Variants in SOX5 observed in about 807,000 individuals in gnomAD.
SOX5 encodes the protein transcription factor SOX-5.
In SOX5, 9 loss-of-function variants were observed where a neutral mutation model predicts 92.0. The ratio of observed to expected loss-of-function variants is 0.10; its 90% confidence interval spans 0.06 to 0.17. SOX5 has a LOEUF of 0.17. Ranked by LOEUF, SOX5 falls within the 10% of genes least tolerant of loss-of-function variation. The probability of loss-of-function intolerance (pLI) is 1.00; values close to 1 mark genes in which losing one functional copy is unlikely to be tolerated. For synonymous variants in SOX5, 344 were observed against 336.3 expected (o/e 1.02, Z -0.25); for missense variants, 642 against 944.5 (o/e 0.68, Z 4.20).
chr12:23,787,452 A>G (rs1489411166), intron 3 of SOX5, among the ~76,000 whole-genome samples: 3 of 151,994 alleles, frequency 2.0e-5, no homozygotes, highest in Admixed American at 6.6e-5. Context: ...ATTAAAGGGC[A>G]GTTAGAAACC....
chr12:24,426,664 T>G (rs569770089), intron 1 of SOX5, among the ~76,000 whole-genome samples: 2 of 152,332 alleles, frequency 1.3e-5, no homozygotes, highest in South Asian at 4.1e-4. Flanking sequence ...TTTACTTTGC[T>G]TTTCTTCCAG....
chr12:23,770,554 T>G (rs999183679), intron 3 of SOX5, among the ~76,000 whole-genome samples: 30 of 152,000 alleles, frequency 2.0e-4, no homozygotes, highest in Non-Finnish European at 2.2e-4. Flanking sequence ...TCAGATTTTT[T>G]TTTCAACATG....
At chr12:23,534,671 T>C in intron 14 of SOX5, 149 bp from the exon 15 acceptor site, 1 of 628,910 alleles carries the variant, frequency 1.6e-6, no homozygotes, top group South Asian at 2.2e-5. Context: ...TCCATCCTAC[T>C]TGAACTTTAA....
chr12:24,048,961 T>C (rs1957294740), intron 4 of SOX5, among the ~76,000 whole-genome samples: 1 of 152,176 alleles, frequency 6.6e-6, no homozygotes, highest in Admixed American at 6.5e-5. Flanking sequence ...CACCACTCCA[T>C]GAATAATACT....
intron 2 of SOX5, among the ~76,000 whole-genome samples, chr12:23,867,679 G>T (rs1188776225): frequency 1.3e-5 from 2 of 152,114 alleles, no homozygotes; most frequent in South Asian, 2.1e-4. Context: ...ACACTGAAAT[G>T]AATTAAGTGG....
intron 6 of SOX5, among the ~76,000 whole-genome samples, chr12:23,710,810 C>T (rs1010162610): frequency 2.6e-5 from 4 of 152,114 alleles, no homozygotes; most frequent in South Asian, 2.1e-4. Flanking sequence ...CTTGAGGAAT[C>T]GCCACACTGT....
At chr12:23,695,096 G>A (rs1340415844) in intron 6 of SOX5, among the ~76,000 whole-genome samples, 1 of 145,174 alleles carries the variant, frequency 6.9e-6, no homozygotes, top group Non-Finnish European at 1.5e-5. Flanking sequence ...CTCCAGCTTG[G>A]GTGACAAGGG....
intron 3 of SOX5, among the ~76,000 whole-genome samples, chr12:24,265,488 G>T (rs1040178100): frequency 2.6e-5 from 4 of 152,212 alleles, no homozygotes; most frequent in Admixed American, 6.5e-5. Flanking sequence ...AGATTGTAGT[G>T]AGCTGAGGTC....
intron 2 of SOX5, among the ~76,000 whole-genome samples, chr12:24,297,072 T>C (rs1234808832): frequency 2.0e-5 from 3 of 152,158 alleles, no homozygotes; most frequent in Non-Finnish European, 2.9e-5. Context: ...ATGACGGTAG[T>C]TATGCTAAGT....
At chr12:24,303,356 T>C (rs745789514) in intron 2 of SOX5, among the ~76,000 whole-genome samples, 19 of 151,784 alleles carry the variant, frequency 1.3e-4, no homozygotes, top group Non-Finnish European at 2.2e-4. Context: ...ACGTTAGACA[T>C]CATGTTCATA....
At chr12:23,878,455 T>C (rs1230728739) in intron 2 of SOX5, among the ~76,000 whole-genome samples, 3 of 152,102 alleles carry the variant, frequency 2.0e-5, no homozygotes, top group Admixed American at 2.0e-4. Context: ...TTTATCTCTA[T>C]ATAACAACAA....
chr12:23,589,145 T>C (rs977451555), intron 9 of SOX5, among the ~76,000 whole-genome samples: 1 of 152,000 alleles, frequency 6.6e-6, no homozygotes, highest in Non-Finnish European at 1.5e-5. Context: ...TAAACGACTA[T>C]GTCTTTGTAT....
At chr12:23,579,425 A>T (rs1045062454) in intron 9 of SOX5, among the ~76,000 whole-genome samples, 3 of 152,170 alleles carry the variant, frequency 2.0e-5, no homozygotes, top group Non-Finnish European at 1.5e-5. Context: ...CTGTATAAAT[A>T]ATTTTGACCC....
At chr12:23,786,061 G>A (rs1344369707) in intron 3 of SOX5, among the ~76,000 whole-genome samples, 3 of 151,830 alleles carry the variant, frequency 2.0e-5, no homozygotes, top group Non-Finnish European at 4.4e-5. Context: ...TTCTTTTCTA[G>A]TTATCAATTC....
intron 3 of SOX5, among the ~76,000 whole-genome samples, chr12:23,808,700 G>T (rs2095824342): frequency 6.6e-6 from 1 of 152,012 alleles, no homozygotes; most frequent in Non-Finnish European, 1.5e-5. Flanking sequence ...TAGGATACTT[G>T]CTGTTTAACA....
intron 1 of SOX5, among the ~76,000 whole-genome samples, chr12:23,943,806 A>C (rs1015790930): frequency 9.2e-5 from 14 of 152,028 alleles, no homozygotes; most frequent in Non-Finnish European, 2.1e-4. Flanking sequence ...TTTGTTTTAA[A>C]TTTTCCTTCT....
intron 4 of SOX5, among the ~76,000 whole-genome samples, chr12:24,010,017 T>C (rs778325793): frequency 3.9e-5 from 6 of 152,222 alleles, no homozygotes; most frequent in Non-Finnish European, 8.8e-5. Flanking sequence ...TATTTTCTTA[T>C]CTTCATTCAA....
At chr12:23,984,199 G>A (rs1045066833) in intron 4 of SOX5, among the ~76,000 whole-genome samples, 2 of 152,088 alleles carry the variant, frequency 1.3e-5, no homozygotes, top group Non-Finnish European at 2.9e-5. Context: ...AATGTACAAT[G>A]CACAATCCTT....
chr12:24,090,764 T>C (rs975381545), intron 4 of SOX5, among the ~76,000 whole-genome samples: 1 of 152,180 alleles, frequency 6.6e-6, no homozygotes, highest in African/African-American at 2.4e-5. Context: ...AATGTAGGCA[T>C]CCTGAAAGCA....
Sources: allele counts gnomAD v4.1 joint callset (sites outside exome capture counted in the v4.1 genomes callset), GRCh38; gene constraint gnomAD v4.1.1; transcripts MANE v1.5; gene names NCBI Gene and HGNC (gene_info 2026-07-23, HGNC 2026-07-21).